Variants in CAST observed in about 807,000 individuals in gnomAD.
CAST encodes the protein MIR583 host.
Under a neutral mutation model 119.6 loss-of-function variants are expected in CAST, and 76 were observed. The observed-to-expected ratio is 0.64, with a 90% CI of 0.53 to 0.77. CAST has a LOEUF of 0.77. Among genes scored for constraint, CAST ranks in the 30% least tolerant of loss-of-function variants. The probability of loss-of-function intolerance (pLI) is 0.00; values close to 1 mark genes in which losing one functional copy is unlikely to be tolerated. For synonymous variants in CAST, 319 were observed against 331.6 expected, an observed-to-expected ratio of 0.96 and a Z score of 0.41; for missense variants, 953 against 946.5, an observed-to-expected ratio of 1.01 and a Z score of -0.09.
At chr5:96,132,476 C>G in the CAST span, among the ~76,000 whole-genome samples, 1 of 152,226 alleles carries the variant, frequency 6.6e-6, no homozygotes, top group East Asian at 1.9e-4. Flanking sequence ...ACTATAGTCA[C>G]CTTACTGTGC....
At chr5:96,100,995 T>C in the CAST span, among the ~76,000 whole-genome samples, 3 of 152,192 alleles carry the variant, frequency 2.0e-5, no homozygotes, top group Non-Finnish European at 2.9e-5. Context: ...TGATCATAAC[T>C]CACTGTAATT....
In CAST at chr5:96,771,379, C is replaced by T. The variant is rs1344235841; in HGVS notation, c.2341-265C>T. 2.0e-5 allele frequency among the ~76,000 whole-genome samples: 3 copies of T among 151,968 alleles called. No homozygotes were observed. The East Asian group carries it at 5.8e-4, about 29-fold the overall frequency. On this transcript the variant is annotated intron_variant, in intron 30 of 31. Transcript: ENST00000675179. The stretch of plus-strand genomic sequence containing the variant: ...ACATTGCCATTTAAGAACACCTATG[C>T]ATATTTTATAACCTACCCTAGCCTT...
chr5:96,369,806 C>A, the CAST span, among the ~76,000 whole-genome samples: 1 of 152,212 alleles, frequency 6.6e-6, no homozygotes, highest in East Asian at 1.9e-4. Context: ...TCCTTCTAAG[C>A]TCTCTTCACT....
At chr5:96,398,791 G>T in the CAST span, 21 of 1,106,788 alleles carry the variant, frequency 1.9e-5, no homozygotes, top group African/African-American at 2.3e-4. Context: ...AGGAGACTTT[G>T]TTCTATGAAT....
chr5:96,548,031 G>A (rs1361122017), intron 1 of CAST, among the ~76,000 whole-genome samples: 1 of 152,164 alleles, frequency 6.6e-6, no homozygotes, highest in Non-Finnish European at 1.5e-5. Context: ...TCTATTACCT[G>A]CAATCATAAT....
Position 96,720,501 on chromosome 5 carries a change from C to T in CAST, c.211-2138C>T, listed in dbSNP as rs540164909. On this transcript the variant is annotated intron_variant, in intron 3 of 31. Coordinates refer to ENST00000675179, the MANE Select transcript of CAST (RefSeq NM_001750.7). ...AATGGGGTGGGCATATTCCCTACTT[C>T]CAGCTCCCATGAAGCAGCTTTCATA... is the stretch of plus-strand genomic sequence containing the variant. Among the ~76,000 whole-genome samples the T allele has an allele frequency of 1.3e-4, 20 of 152,318 alleles. No individual in the cohort carries two copies. The South Asian group carries it at 1.7e-3, about 13-fold the overall frequency.
At chr5:96,550,751 C>T (rs755573418) in intron 1 of CAST, among the ~76,000 whole-genome samples, 3 of 152,064 alleles carry the variant, frequency 2.0e-5, no homozygotes, top group Admixed American at 6.5e-5. Flanking sequence ...AACCACAGTA[C>T]GAGAACTTCA....
the CAST span, among the ~76,000 whole-genome samples, chr5:96,362,032 G>A: frequency 6.6e-6 from 1 of 151,730 alleles, no homozygotes; most frequent in Non-Finnish European, 1.5e-5. Context: ...CCCTTCCTGT[G>A]TCCAGGTGTT....
the CAST span, among the ~76,000 whole-genome samples, chr5:96,357,093 A>G: frequency 2.0e-5 from 3 of 152,154 alleles, no homozygotes; most frequent in African/African-American, 7.2e-5. Context: ...TCTTTGAGCA[A>G]TTGTGAATGG....
chr5:95,977,585 G>A, the CAST span, among the ~76,000 whole-genome samples: 1 of 152,146 alleles, frequency 6.6e-6, no homozygotes, highest in Non-Finnish European at 1.5e-5. Flanking sequence ...CAATTAGTAA[G>A]TATATACTGT....
At position 96,697,976 on chromosome 5, in the gene CAST, C is replaced by T. The variant is rs368962294; in HGVS notation, c.210+2069C>T. Among the ~76,000 whole-genome samples the T allele has an allele frequency of 3.5e-4, 53 of 152,338 alleles. 1 individual carries two copies. Among genetic ancestry groups the T allele is most frequent in the African/African-American group, 1.2e-3 (50 of 41,594 alleles). On this transcript the variant is annotated intron_variant, in intron 3 of 31. Transcript: ENST00000675179. ...AGAGTCTTCAACTAAAAAAGATTAA[C>T]TTTTATTGTTATCAGGACTTGTATT...
the CAST span, among the ~76,000 whole-genome samples, chr5:96,356,054 T>C: frequency 6.6e-6 from 1 of 152,214 alleles, no homozygotes; most frequent in African/African-American, 2.4e-5. Flanking sequence ...TGGTATCTCA[T>C]TGTGTTTTTG....
chr5:96,559,026 A>G (rs1410678536), intron 1 of CAST, among the ~76,000 whole-genome samples: 1 of 152,200 alleles, frequency 6.6e-6, no homozygotes, highest in African/African-American at 2.4e-5. Context: ...AGTGGGCTTC[A>G]TCCCTGGGAT....
At chr5:96,135,252 C>G in the CAST span, among the ~76,000 whole-genome samples, 3 of 152,078 alleles carry the variant, frequency 2.0e-5, no homozygotes, top group African/African-American at 7.2e-5. Flanking sequence ...GTATACAAAG[C>G]AAGAGTGTGT....
the CAST span, among the ~76,000 whole-genome samples, chr5:96,151,845 C>A: frequency 6.6e-6 from 1 of 152,194 alleles, no homozygotes; most frequent in Non-Finnish European, 1.5e-5. Context: ...TTGGAAAAAA[C>A]CCCTTGGATA....
At chr5:96,050,952 G>A in the CAST span, among the ~76,000 whole-genome samples, 1 of 152,022 alleles carries the variant, frequency 6.6e-6, no homozygotes, top group Non-Finnish European at 1.5e-5. Context: ...TGAGGTCTTT[G>A]GACAATGGGA....
At chr5:96,637,644 G>A (rs1483362895) in intron 1 of CAST, among the ~76,000 whole-genome samples, 5 of 152,164 alleles carry the variant, frequency 3.3e-5, no homozygotes, top group Admixed American at 3.3e-4. Flanking sequence ...TTAGGGTAAA[G>A]ATACCTTCCC....
the CAST span, among the ~76,000 whole-genome samples, chr5:96,487,150 G>A: frequency 4.0e-5 from 6 of 151,642 alleles, no homozygotes; most frequent in East Asian, 3.9e-4. Context: ...TAATATGTGG[G>A]GCAGTTCTGC....
chr5:96,049,889 CAA>C, the CAST span, among the ~76,000 whole-genome samples: 723 of 34,114 alleles, frequency 0.021, no homozygotes, highest in Admixed American at 0.058. Flanking sequence ...GAACAGGAGG[CAA>C]AAAAAAAAAA....
Sources: allele counts gnomAD v4.1 joint callset (sites outside exome capture counted in the v4.1 genomes callset), GRCh38; gene constraint gnomAD v4.1.1; transcripts MANE v1.5; gene names NCBI Gene and HGNC (gene_info 2026-07-23, HGNC 2026-07-21).